The following CDH12 variants were observed in gnomAD, a reference collection of about 807,000 sequenced individuals.
The protein encoded by CDH12 is cadherin-12.
A neutral mutation model predicts 74.1 loss-of-function variants in CDH12; 41 were observed. The observed-to-expected ratio is 0.55, with a 90% CI of 0.43 to 0.72. The LOEUF (loss-of-function observed/expected upper bound fraction) is 0.72, where lower values mean the gene tolerates loss of function less well. Among genes scored for constraint, CDH12 ranks in the 30% least tolerant of loss-of-function variants. The probability of loss-of-function intolerance (pLI) is 0.00; values close to 1 mark genes in which losing one functional copy is unlikely to be tolerated. For synonymous variants in CDH12, 399 were observed against 355.0 expected (o/e 1.12, Z -1.39); for missense variants, 945 against 977.2 (o/e 0.97, Z 0.44).
rs1452030503 is a variant in CDH12, at chr5:22,274,864, CTGAAA to C, written c.-332-62226_-332-62222del. Among the ~76,000 whole-genome samples the C allele has an allele frequency of 2.0e-5, 3 of 152,182 alleles. No individual in the cohort carries two copies. In the East Asian group the frequency reaches 5.8e-4, roughly 29 times the overall value. ...CTTATTTTCATTTATTGAGCTAAATCTGAAATGATTTTCATTTCTTGAGTTAAATT... is the reference window on the plus strand; with the variant it reads ...CTTATTTTCATTTATTGAGCTAAATCTGATTTTCATTTCTTGAGTTAAATT... On this transcript the variant is annotated intron_variant, in intron 3 of 14. Coordinates refer to ENST00000382254, the MANE Select transcript of CDH12 (RefSeq NM_004061.5).
intron 2 of CDH12, among the ~76,000 whole-genome samples, chr5:22,443,875 T>C (rs886933278): frequency 2.9e-4 from 44 of 152,152 alleles, no homozygotes; most frequent in African/African-American, 1.1e-3. Context: ...AGCATACACA[T>C]GTGTATATGT....
chr5:22,094,526 C>T (rs1249350988), intron 4 of CDH12, among the ~76,000 whole-genome samples: 2 of 151,922 alleles, frequency 1.3e-5, no homozygotes, highest in Admixed American at 6.6e-5. Context: ...ACTATCGTAA[C>T]AGTAGGGGGT....
Position 21,883,150 on chromosome 5 carries a change from C to G in CDH12, c.527-28360G>C, listed in dbSNP as rs1274185852. ...GACAAAGAAATTGGCAATATCATCTCTGATGCAATGAAAAAGGTTGGAAGA... is the reference window on the plus strand; with the variant it reads ...GACAAAGAAATTGGCAATATCATCTGTGATGCAATGAAAAAGGTTGGAAGA... On this transcript the variant is annotated intron_variant, in intron 6 of 14. Coordinates refer to ENST00000382254, the MANE Select transcript of CDH12 (RefSeq NM_004061.5). 4 of 1,528,810 alleles carry G rather than the reference C, an allele frequency of 2.6e-6. No individual in the cohort carries two copies. In the Admixed American group the frequency reaches 6.7e-5, roughly 26 times the overall value. The allele number at this position is 1,528,810 out of a possible 1,614,324, so 94.7% of individuals were successfully genotyped here. A position where few individuals can be genotyped will look rare whatever the true frequency, so the allele number is the denominator to read the frequency against.
chr5:21,795,245 TA>T (rs142693332), intron 10 of CDH12, among the ~76,000 whole-genome samples: 4,443 of 151,818 alleles, frequency 0.029, 185 homozygotes, highest in African/African-American at 0.094. Context: ...ATCAGTTAAT[TA>T]TTAGAGACAA....
At chr5:22,299,357 A>C (rs1489044980) in intron 3 of CDH12, among the ~76,000 whole-genome samples, 1 of 152,192 alleles carries the variant, frequency 6.6e-6, no homozygotes, top group Non-Finnish European at 1.5e-5. Context: ...TGGGGAGTCA[A>C]TGAATGCTTT....
chr5:22,056,082 A>C (rs989164452), intron 5 of CDH12, among the ~76,000 whole-genome samples: 3 of 152,108 alleles, frequency 2.0e-5, no homozygotes, highest in African/African-American at 7.2e-5. Context: ...TTTTATTGTA[A>C]TGAACATAAA....
chr5:22,227,276 A>AAT (rs910773523), intron 3 of CDH12, among the ~76,000 whole-genome samples: 2 of 152,082 alleles, frequency 1.3e-5, no homozygotes, highest in East Asian at 1.9e-4. Flanking sequence ...AAGGAGACAA[A>AAT]ATATATATAA....
At chr5:22,710,309 T>G (rs1294628820) in intron 1 of CDH12, among the ~76,000 whole-genome samples, 4 of 152,178 alleles carry the variant, frequency 2.6e-5, no homozygotes, top group Non-Finnish European at 5.9e-5. Context: ...TTAAATATAT[T>G]TAGGTTTATT....
At chr5:22,416,060 C>CTTTTT (rs58606764) in intron 2 of CDH12, among the ~76,000 whole-genome samples, 6 of 65,150 alleles carry the variant, frequency 9.2e-5, no homozygotes, top group Non-Finnish European at 1.5e-4. Flanking sequence ...ACTTGTAGGT[C>CTTTTT]TTTTTTTTTT....
chr5:22,315,598 G>T (rs1738598595), intron 3 of CDH12, among the ~76,000 whole-genome samples: 1 of 152,130 alleles, frequency 6.6e-6, no homozygotes, highest in African/African-American at 2.4e-5. Context: ...TCAGAAAGGT[G>T]AAGGTCTAGA....
intron 1 of CDH12, among the ~76,000 whole-genome samples, chr5:22,778,269 C>G (rs1194905894): frequency 6.6e-6 from 1 of 152,114 alleles, no homozygotes; most frequent in Non-Finnish European, 1.5e-5. Flanking sequence ...GCTACTATCT[C>G]AATGCTCCCA....
At chr5:22,750,079 ATAT>A (rs1437906329) in intron 1 of CDH12, among the ~76,000 whole-genome samples, 2 of 152,302 alleles carry the variant, frequency 1.3e-5, no homozygotes, top group Admixed American at 1.3e-4. Context: ...AGAAAAACAC[ATAT>A]TATACTAAAG....
At chr5:21,885,770 G>A (rs1335366540) in intron 6 of CDH12, among the ~76,000 whole-genome samples, 2 of 152,012 alleles carry the variant, frequency 1.3e-5, no homozygotes, top group Non-Finnish European at 2.9e-5. Context: ...TATCATCAGT[G>A]CTTTCCAAAG....
intron 1 of CDH12, among the ~76,000 whole-genome samples, chr5:22,824,396 C>T (rs1304534594): frequency 6.6e-6 from 1 of 151,986 alleles, no homozygotes; most frequent in Non-Finnish European, 1.5e-5. Context: ...GGAAATTTCT[C>T]ACAAAATTTG....
At chr5:22,066,942 C>T (rs1242142977) in intron 5 of CDH12, among the ~76,000 whole-genome samples, 2 of 152,166 alleles carry the variant, frequency 1.3e-5, no homozygotes, top group Non-Finnish European at 2.9e-5. Flanking sequence ...AGAATCAGCA[C>T]ATCCCCTGGT....
rs142065376 is a variant in CDH12 at position 22,600,401 on chromosome 5, G to A, written c.-522-95037C>T. 3.8e-3 allele frequency among the ~76,000 whole-genome samples: 582 copies of A among 152,058 alleles called. 1 individual carries two copies. Among genetic ancestry groups the A allele is most frequent in the African/African-American group, 0.011 (449 of 41,502 alleles). ...GTGTTCATTTGTAGAGTTTTAGTAC[G>A]TATGTATCTCTAGTTTTAGCAAGTA... On this transcript the variant is annotated intron_variant, in intron 1 of 14. Coordinates refer to ENST00000382254, the MANE Select transcript of CDH12 (RefSeq NM_004061.5).
intron 5 of CDH12, among the ~76,000 whole-genome samples, chr5:22,048,718 T>C (rs1457871453): frequency 6.6e-6 from 1 of 152,042 alleles, no homozygotes; most frequent in Non-Finnish European, 1.5e-5. Context: ...ACATATATTA[T>C]CATATGCAAA....
At chr5:22,062,664 G>A (rs994769957) in intron 5 of CDH12, among the ~76,000 whole-genome samples, 3 of 152,136 alleles carry the variant, frequency 2.0e-5, no homozygotes, top group Non-Finnish European at 2.9e-5. Flanking sequence ...ACACTGCAAA[G>A]GTTCTCAGAT....
chr5:22,362,081 T>G (rs1333931564), intron 3 of CDH12, among the ~76,000 whole-genome samples: 5 of 149,568 alleles, frequency 3.3e-5, no homozygotes, highest in East Asian at 1.9e-4. Flanking sequence ...GTGACAAATG[T>G]GATCTAATTA....
Sources: gnomAD v4.1 joint callset for allele counts (sites outside exome capture counted in the v4.1 genomes callset) on GRCh38, gnomAD v4.1.1 for gene constraint, MANE v1.5 for transcripts, NCBI Gene and HGNC (gene_info 2026-07-23, HGNC 2026-07-21) for gene names.